RABGAP1L: variants seen among roughly 807,000 people sequenced by gnomAD.
The protein encoded by RABGAP1L is RAB GTPase activating protein 1 like.
RABGAP1L carries 63 observed loss-of-function variants against 137.7 expected under a neutral mutation model. The observed-to-expected ratio is 0.46, with a 90% CI of 0.37 to 0.56. RABGAP1L has a LOEUF of 0.56. Ranked by LOEUF, RABGAP1L falls within the 20% of genes least tolerant of loss-of-function variation. The pLI is 0.00. For synonymous variants in RABGAP1L, 431 were observed against 433.7 expected (o/e 0.99, Z 0.08); for missense variants, 1,095 against 1,244.0 (o/e 0.88, Z 1.80).
intron 3 of RABGAP1L, among the ~76,000 whole-genome samples, chr1:174,221,416 A>G (rs1041539601): frequency 4.6e-5 from 7 of 152,228 alleles, no homozygotes; most frequent in African/African-American, 1.7e-4. Flanking sequence ...GGTCCTCAAC[A>G]GATACTTACT....
intron 19 of RABGAP1L, among the ~76,000 whole-genome samples, chr1:174,860,849 A>G (rs1243522249): frequency 6.6e-6 from 1 of 152,206 alleles, no homozygotes; most frequent in Non-Finnish European, 1.5e-5. Flanking sequence ...AACATGATGC[A>G]TACATTGTGA....
intron 13 of RABGAP1L, among the ~76,000 whole-genome samples, chr1:174,464,802 T>A (rs1167241677): frequency 6.6e-6 from 1 of 152,154 alleles, no homozygotes; most frequent in African/African-American, 2.4e-5. Context: ...TTACCTTCTT[T>A]TTTTGAATCT....
At chr1:174,160,659 T>A (rs1385603605) in intron 1 of RABGAP1L, among the ~76,000 whole-genome samples, 2 of 152,192 alleles carry the variant, frequency 1.3e-5, no homozygotes, top group African/African-American at 4.8e-5. Flanking sequence ...AAGGCCTTTA[T>A]TTTTGGCACT....
intron 17 of RABGAP1L, among the ~76,000 whole-genome samples, chr1:174,747,191 C>T (rs1368454180): frequency 6.6e-6 from 1 of 151,810 alleles, no homozygotes; most frequent in Non-Finnish European, 1.5e-5. Context: ...TCACTTGAGC[C>T]CAGGAATTGG....
At chr1:174,577,759 A>G (rs1052548690) in intron 13 of RABGAP1L, among the ~76,000 whole-genome samples, 17 of 152,204 alleles carry the variant, frequency 1.1e-4, no homozygotes, top group African/African-American at 3.1e-4. Context: ...TGTGGCATCA[A>G]ATATTAATAT....
intron 13 of RABGAP1L, among the ~76,000 whole-genome samples, chr1:174,543,271 G>A (rs1401209257): frequency 6.6e-6 from 1 of 152,170 alleles, no homozygotes; most frequent in Non-Finnish European, 1.5e-5. Flanking sequence ...TATGAATCTG[G>A]ATGCTTCTGT....
intron 5 of RABGAP1L, chr1:174,244,890 G>A (rs1042904324): frequency 3.3e-5 from 5 of 152,124 alleles, no homozygotes; most frequent in Non-Finnish European, 4.4e-5. Context: ...ATACTATTCA[G>A]TATTAGAAAC....
At chr1:174,326,618 G>GGGGAA (rs1327051850) in intron 11 of RABGAP1L, among the ~76,000 whole-genome samples, 2 of 152,152 alleles carry the variant, frequency 1.3e-5, no homozygotes, top group East Asian at 3.9e-4. Context: ...GACTGGAGTA[G>GGGGAA]GGGAAGGGGA....
chr1:174,181,187 A>G (rs1666321549), intron 1 of RABGAP1L, among the ~76,000 whole-genome samples: 1 of 152,064 alleles, frequency 6.6e-6, no homozygotes, highest in African/African-American at 2.4e-5. Flanking sequence ...TGATTTTTTT[A>G]AAGAGATGAG....
chr1:174,293,209 C>T (rs1374368471), intron 10 of RABGAP1L, among the ~76,000 whole-genome samples: 2 of 151,548 alleles, frequency 1.3e-5, no homozygotes, highest in African/African-American at 4.9e-5. Flanking sequence ...CATCTTGATG[C>T]TGGTATCACT....
chr1:174,335,506 A>G (rs905587054), intron 11 of RABGAP1L, among the ~76,000 whole-genome samples: 6 of 152,238 alleles, frequency 3.9e-5, no homozygotes, highest in East Asian at 1.9e-4. Context: ...TTGAATACCA[A>G]TAATCTTAGC....
At chr1:174,824,309 A>G (rs148513017) in intron 19 of RABGAP1L, among the ~76,000 whole-genome samples, 1 of 151,906 alleles carries the variant, frequency 6.6e-6, no homozygotes, top group Admixed American at 6.6e-5. Flanking sequence ...ATATAGATAT[A>G]GATATATACA....
chr1:174,678,487 C>A (rs902920966), intron 14 of RABGAP1L, among the ~76,000 whole-genome samples: 3 of 151,790 alleles, frequency 2.0e-5, no homozygotes, highest in African/African-American at 7.3e-5. Context: ...AAAAGAGTAA[C>A]AAACTTAATA....
intron 19 of RABGAP1L, among the ~76,000 whole-genome samples, chr1:174,853,470 G>C (rs1038001764): frequency 3.3e-5 from 5 of 152,046 alleles, no homozygotes; most frequent in African/African-American, 1.2e-4. Flanking sequence ...AGTGGCTCAC[G>C]CCTGTAATCC....
chr1:174,364,316 G>A (rs1225689690), intron 11 of RABGAP1L, among the ~76,000 whole-genome samples: 3 of 133,494 alleles, frequency 2.2e-5, no homozygotes, highest in Admixed American at 7.6e-5. Context: ...GTGCAGTGGC[G>A]GGATCTCGGC....
chr1:174,974,931 G>A (rs1301305871), intron 21 of RABGAP1L, among the ~76,000 whole-genome samples: 3 of 152,250 alleles, frequency 2.0e-5, no homozygotes, highest in African/African-American at 7.2e-5. Context: ...AAGGCCACCT[G>A]GCCAGTTTTC....
chr1:174,829,355 T>G (rs965889685), intron 19 of RABGAP1L, among the ~76,000 whole-genome samples: 1 of 148,252 alleles, frequency 6.7e-6, no homozygotes, highest in African/African-American at 2.5e-5. Flanking sequence ...GAAATCTGTC[T>G]GAATTTTGCT....
At chr1:174,821,353 A>G (rs572470096) in intron 19 of RABGAP1L, among the ~76,000 whole-genome samples, 14 of 152,286 alleles carry the variant, frequency 9.2e-5, no homozygotes, top group African/African-American at 3.4e-4. Flanking sequence ...GGTAGCTACC[A>G]ATGATAAGAT....
At chr1:174,622,912 A>G (rs6664864) in intron 13 of RABGAP1L, among the ~76,000 whole-genome samples, 90,393 of 152,098 alleles carry the variant, frequency 0.59, 29,763 homozygotes, top group African/African-American at 0.9. Flanking sequence ...TTTTGAAATG[A>G]ATTAGCGACT....
Sources: gnomAD v4.1 joint callset for allele counts (sites outside exome capture counted in the v4.1 genomes callset) on GRCh38, gnomAD v4.1.1 for gene constraint, MANE v1.5 for transcripts, NCBI Gene and HGNC (gene_info 2026-07-23, HGNC 2026-07-21) for gene names.